Variants in TCERG1L observed in about 807,000 individuals in gnomAD.
TCERG1L encodes the protein transcription elongation regulator 1 like.
In TCERG1L, 37 loss-of-function variants were observed where a neutral mutation model predicts 56.3. The observed-to-expected ratio is 0.66, with a 90% CI of 0.51 to 0.87. TCERG1L has a LOEUF of 0.87. Ranked by LOEUF, TCERG1L falls within the 40% of genes least tolerant of loss-of-function variation. The probability of loss-of-function intolerance (pLI) is 0.00; values close to 1 mark genes in which losing one functional copy is unlikely to be tolerated. For missense variants in TCERG1L, 799 were observed against 774.2 expected (o/e 1.03, Z -0.38); for synonymous variants, 324 against 326.3 (o/e 0.99, Z 0.08).
At position 131,092,913 on chromosome 10, in the gene TCERG1L, T is replaced by C. The variant is rs1589771877; in HGVS notation, c.*249A>G. 2.5e-6 allele frequency: 1 copy of C among 404,246 alleles called. No individual in the cohort carries two copies. The highest frequency in any genetic ancestry group is 5.1e-5 in the South Asian group (1 of 19,458). 25.0% of individuals were successfully genotyped at this position (404,246 alleles called of 1,614,324 possible). A position where few individuals can be genotyped will look rare whatever the true frequency, so the allele number is the denominator to read the frequency against. Reference sequence around the variant, plus strand: ...ATAATTTGTGTATATTACAAGTAATTTGCATAATTAAAACAATTAAGGGAT... The same window carrying C: ...ATAATTTGTGTATATTACAAGTAATCTGCATAATTAAAACAATTAAGGGAT... On this transcript the variant is annotated 3_prime_UTR_variant, in exon 12 of 12. Coordinates refer to ENST00000368642, the MANE Select transcript of TCERG1L (RefSeq NM_174937.4).
chr10:131,199,101 C>G (rs114982227), intron 4 of TCERG1L, among the ~76,000 whole-genome samples: 6,652 of 152,276 alleles, frequency 0.044, 163 homozygotes, highest in Middle Eastern at 0.068. Context: ...GCCTGGCTCT[C>G]TGGGCCTGTG....
intron 4 of TCERG1L, among the ~76,000 whole-genome samples, chr10:131,233,151 C>T (rs984629874): frequency 2.6e-5 from 4 of 152,160 alleles, no homozygotes; most frequent in African/African-American, 7.2e-5. Context: ...TTTCTATTAA[C>T]GTGTCCGCAG....
chr10:131,260,167 G>A lies in TCERG1L; in HGVS notation c.856+92C>T. On this transcript the variant is annotated intron_variant, in intron 4 of 11. Coordinates refer to ENST00000368642, the MANE Select transcript of TCERG1L (RefSeq NM_174937.4). The surrounding 1 kb of genome is among the most constrained non-coding windows in gnomAD (Gnocchi z 5.8). ...CCGGAGCCGGGCTTCAGGTCCCACA[G>A]CGCCTGGGCCCAGGCCAGGGGCATC... 8.0e-7 allele frequency: 1 copy of A among 1,244,842 alleles called. No individual in the cohort carries two copies. The highest frequency in any genetic ancestry group is 1.0e-6 in the Non-Finnish European group (1 of 994,140). The allele number at this position is 1,244,842 out of a possible 1,614,324, so 77.1% of individuals were successfully genotyped here.
chr10:131,285,015 G>A (rs1846505558), intron 3 of TCERG1L, among the ~76,000 whole-genome samples: 2 of 151,842 alleles, frequency 1.3e-5, no homozygotes, highest in Admixed American at 6.6e-5. Flanking sequence ...AAAAAAAGAG[G>A]AGCCACTTCC....
chr10:131,245,838 A>G (rs989062165), intron 4 of TCERG1L, among the ~76,000 whole-genome samples: 12 of 152,158 alleles, frequency 7.9e-5, no homozygotes, highest in Admixed American at 3.3e-4. Flanking sequence ...GCAGGGCCTC[A>G]TGGAAGGGCT....
chr10:131,098,634 C>G (rs78942003), intron 10 of TCERG1L, among the ~76,000 whole-genome samples: 1 of 152,186 alleles, frequency 6.6e-6, no homozygotes, highest in Non-Finnish European at 1.5e-5. Flanking sequence ...CCACACGGCC[C>G]GGCATTTCTC....
At chr10:131,256,861 G>A (rs1846168483) in intron 4 of TCERG1L, among the ~76,000 whole-genome samples, 1 of 150,616 alleles carries the variant, frequency 6.6e-6, no homozygotes, top group Non-Finnish European at 1.5e-5. Context: ...TCTCAGCCTG[G>A]GCGACAGATC....
At chr10:131,213,268 C>A (rs575653840) in intron 4 of TCERG1L, among the ~76,000 whole-genome samples, 1 of 152,336 alleles carries the variant, frequency 6.6e-6, no homozygotes, top group South Asian at 2.1e-4. Context: ...AAGAAAGGCC[C>A]AGACTCATCA....
intron 7 of TCERG1L, among the ~76,000 whole-genome samples, chr10:131,145,056 G>A (rs1200457533): frequency 6.6e-6 from 1 of 152,230 alleles, no homozygotes; most frequent in Non-Finnish European, 1.5e-5. Context: ...CCAATTTTGG[G>A]AGGGAAAAAT....
intron 11 of TCERG1L, among the ~76,000 whole-genome samples, chr10:131,093,577 C>T (rs1845206172): frequency 6.6e-6 from 1 of 152,206 alleles, no homozygotes; most frequent in Non-Finnish European, 1.5e-5. Flanking sequence ...GCGGCCCCCA[C>T]CAGCCTCCTC....
Position 131,233,576 on chromosome 10 carries a change from T to C in TCERG1L, c.856+26683A>G, listed in dbSNP as rs140039315. ...TACAGTTTACTAGTCCTTTTCCCTC[T>C]GGATATTTTCCCTAGTTAGCACTGA... On this transcript the variant is annotated intron_variant, in intron 4 of 11. Coordinates refer to ENST00000368642, the MANE Select transcript of TCERG1L (RefSeq NM_174937.4). 1.1e-4 allele frequency among the ~76,000 whole-genome samples: 17 copies of C among 152,332 alleles called. No individual in the cohort carries two copies. In the East Asian group the frequency reaches 3.3e-3, roughly 29 times the overall value.
chr10:131,285,058 C>T (rs1846506056), intron 3 of TCERG1L, among the ~76,000 whole-genome samples: 1 of 152,206 alleles, frequency 6.6e-6, no homozygotes, highest in South Asian at 2.1e-4. Context: ...ATAGCTTTCA[C>T]ACTAAAGCCA....
At position 131,146,635 on chromosome 10, in the gene TCERG1L, G is replaced by T; in HGVS notation, c.1060C>A (p.Arg354=). The stretch of plus-strand genomic sequence containing the variant: ...ATCGTTGGGTTGAAGAAGAAAACTC[G>T]GTCATCGCCCGTCCAGACCACACAC... The part of the protein sequence containing the change: ...PWCVVWTGDD[R]VFFFNPTMHL... The change falls in exon 7 of 12, where the codon CGA becomes AGA. Residue 354 remains arginine, a synonymous_variant. Transcript: ENST00000368642. The T allele has an allele frequency of 1.2e-6, 2 of 1,613,516 alleles. No individual in the cohort carries two copies. Among genetic ancestry groups the T allele is most frequent in the Non-Finnish European group, 1.7e-6 (2 of 1,179,664 alleles).
chr10:131,297,576 GCTAC>G (rs984585094), intron 3 of TCERG1L, among the ~76,000 whole-genome samples: 16 of 152,054 alleles, frequency 1.1e-4, no homozygotes, highest in African/African-American at 3.6e-4. Context: ...AAGGGTAATG[GCTAC>G]CTTAGAAAAA....
At position 131,220,398 on chromosome 10, in the gene TCERG1L, G is replaced by C. The variant is rs559098794; in HGVS notation, c.856+39861C>G. 1.4e-4 allele frequency among the ~76,000 whole-genome samples: 22 copies of C among 152,326 alleles called. No individual in the cohort carries two copies. In the Middle Eastern group the frequency reaches 0.01, roughly 71 times the overall value. ...GGCTCTGTCTGCAGGACGCAGGACT[G>C]ACCATTCAGAAACCCTGGTCAGCGT... On this transcript the variant is annotated intron_variant, in intron 4 of 11. Coordinates refer to ENST00000368642, the MANE Select transcript of TCERG1L (RefSeq NM_174937.4).
chr10:131,197,184 C>CCTTT (rs1317235623), intron 4 of TCERG1L, among the ~76,000 whole-genome samples: 3 of 8,260 alleles, frequency 3.6e-4, no homozygotes, highest in Non-Finnish European at 4.7e-4. Flanking sequence ...TTCTCTCCTC[C>CCTTT]ATTTTTTTTT....
chr10:131,175,596 G>C (rs972391941), intron 4 of TCERG1L, among the ~76,000 whole-genome samples: 2 of 152,236 alleles, frequency 1.3e-5, no homozygotes, highest in Non-Finnish European at 2.9e-5. Flanking sequence ...TGAATGAGCT[G>C]ATGGTGAGTC....
At chr10:131,204,350 G>A (rs73396429) in intron 4 of TCERG1L, among the ~76,000 whole-genome samples, 1 of 152,234 alleles carries the variant, frequency 6.6e-6, no homozygotes, top group Non-Finnish European at 1.5e-5. Flanking sequence ...CAGCAAGTGG[G>A]CTGGCCCGAT....
At chr10:131,244,424 CA>C (rs1846007306) in intron 4 of TCERG1L, among the ~76,000 whole-genome samples, 1 of 152,088 alleles carries the variant, frequency 6.6e-6, no homozygotes, top group African/African-American at 2.4e-5. Flanking sequence ...GAGAGTGGAG[CA>C]TGCAGAGTGG....
Sources: allele counts gnomAD v4.1 joint callset (sites outside exome capture counted in the v4.1 genomes callset), GRCh38; gene constraint gnomAD v4.1.1; non-coding constraint Gnocchi (gnomAD v3.1); transcripts MANE v1.5; gene names NCBI Gene and HGNC (gene_info 2026-07-23, HGNC 2026-07-21).